The following ZNF362 variants were observed in gnomAD, a reference collection of about 807,000 sequenced individuals.
ZNF362 encodes the protein zinc finger protein 362, also known as rotund homolog.
A neutral mutation model predicts 42.9 loss-of-function variants in ZNF362; 11 were observed. That is an observed-to-expected ratio of 0.26 (90% confidence interval 0.16 to 0.42). The LOEUF (loss-of-function observed/expected upper bound fraction) is 0.42. Ranked by LOEUF, ZNF362 falls within the 20% of genes least tolerant of loss-of-function variation. The pLI is 1.00. For missense variants in ZNF362, 362 were observed against 576.2 expected, an observed-to-expected ratio of 0.63 and a Z score of 3.81; for synonymous variants, 255 against 257.3, an observed-to-expected ratio of 0.99 and a Z score of 0.09.
the ZNF362 span, among the ~76,000 whole-genome samples, chr1:33,161,814 A>G: frequency 6.6e-6 from 1 of 151,884 alleles, no homozygotes; most frequent in South Asian, 2.1e-4. This position sits in a 1 kb window ranked among gnomAD's most constrained non-coding sequence, Gnocchi z 4.3. Flanking sequence ...CCCACTCGCC[A>G]CCCTCTCCTA....
At chr1:33,241,715 C>A in the ZNF362 span, among the ~76,000 whole-genome samples, 1 of 152,046 alleles carries the variant, frequency 6.6e-6, no homozygotes, top group African/African-American at 2.4e-5. Flanking sequence ...AGAGAAACAA[C>A]AGAAGATGCC....
At chr1:33,177,053 A>ATG in the ZNF362 span, among the ~76,000 whole-genome samples, 9,331 of 86,796 alleles carry the variant, frequency 0.11, 548 homozygotes, top group African/African-American at 0.22. The surrounding 1 kb of genome is among the most constrained non-coding windows in gnomAD (Gnocchi z 4.1). Context: ...ACACACACGC[A>ATG]CACACACACA....
At chr1:33,172,802 A>G in the ZNF362 span, among the ~76,000 whole-genome samples, 2 of 152,130 alleles carry the variant, frequency 1.3e-5, no homozygotes, top group Admixed American at 6.5e-5. Flanking sequence ...CCAGGGGACA[A>G]AGCAGCTGTG....
intron 6 of ZNF362, among the ~76,000 whole-genome samples, chr1:33,289,209 C>T (rs972059655): frequency 2.6e-4 from 39 of 152,132 alleles, no homozygotes; most frequent in African/African-American, 5.1e-4. Flanking sequence ...GCTCGAGGCC[C>T]GCCGGGAGGC....
At chr1:33,250,929 G>A in the ZNF362 span, among the ~76,000 whole-genome samples, 51 of 148,550 alleles carry the variant, frequency 3.4e-4, no homozygotes, top group Non-Finnish European at 5.9e-4. Flanking sequence ...ATGCTTGAGA[G>A]CGTTTTTAGT....
chr1:33,233,498 G>C, the ZNF362 span, among the ~76,000 whole-genome samples: 2 of 151,798 alleles, frequency 1.3e-5, no homozygotes, highest in African/African-American at 4.8e-5. Flanking sequence ...CCGCCTCCCA[G>C]GCTCAAGCAA....
the ZNF362 span, among the ~76,000 whole-genome samples, chr1:33,230,275 A>G: frequency 1.3e-5 from 2 of 152,178 alleles, no homozygotes; most frequent in Admixed American, 6.5e-5. Flanking sequence ...AAAGTTCTCA[A>G]TGAGTATTAG....
intron 1 of ZNF362, chr1:33,261,392 T>A (rs900545946): frequency 2.6e-5 from 4 of 152,242 alleles, no homozygotes; most frequent in Non-Finnish European, 5.9e-5. Flanking sequence ...GTTAGTGTCA[T>A]GGTTTCCCAG....
intron 1 of ZNF362, among the ~76,000 whole-genome samples, chr1:33,270,259 T>G (rs1645892176): frequency 6.6e-6 from 1 of 152,144 alleles, no homozygotes; most frequent in Non-Finnish European, 1.5e-5. Flanking sequence ...CAGTTGGCCC[T>G]GTAGTGCTGG....
At chr1:33,157,888 C>T in the ZNF362 span, among the ~76,000 whole-genome samples, 1 of 152,104 alleles carries the variant, frequency 6.6e-6, no homozygotes, top group African/African-American at 2.4e-5. Context: ...TCTCGAGTAG[C>T]TGGGATTACA....
chr1:33,202,353 T>C, the ZNF362 span, among the ~76,000 whole-genome samples: 11 of 152,168 alleles, frequency 7.2e-5, no homozygotes, highest in African/African-American at 2.6e-4. Context: ...TCCCAGCACT[T>C]TGGGAGGCGA....
chr1:33,217,262 C>A, the ZNF362 span, among the ~76,000 whole-genome samples: 1 of 152,298 alleles, frequency 6.6e-6, no homozygotes, highest in South Asian at 2.1e-4. Flanking sequence ...GAAGTGAGAG[C>A]AGTGAGGAAG....
At chr1:33,239,501 A>G in the ZNF362 span, among the ~76,000 whole-genome samples, 1 of 152,222 alleles carries the variant, frequency 6.6e-6, no homozygotes, top group Non-Finnish European at 1.5e-5. Flanking sequence ...AATTTATAAA[A>G]GACAGAAGTT....
chr1:33,130,163 C>G, the ZNF362 span, among the ~76,000 whole-genome samples: 3 of 152,184 alleles, frequency 2.0e-5, no homozygotes, highest in Non-Finnish European at 2.9e-5. Context: ...CTGGCCGTAG[C>G]TTTGCACTTT....
chr1:33,208,203 T>C, the ZNF362 span, among the ~76,000 whole-genome samples: 1 of 152,196 alleles, frequency 6.6e-6, no homozygotes, highest in Non-Finnish European at 1.5e-5. Context: ...CCTTTCCCCA[T>C]TGTTTGTTTT....
At chr1:33,252,532 A>G (rs552046025), upstream of ZNF362, among the ~76,000 whole-genome samples, 35 of 152,312 alleles carry the variant, frequency 2.3e-4, no homozygotes, top group Admixed American at 5.9e-4. Context: ...GGCATGTGGC[A>G]CAAGTGGGCA....
chr1:33,193,158 T>C, the ZNF362 span, among the ~76,000 whole-genome samples: 1 of 152,040 alleles, frequency 6.6e-6, no homozygotes, highest in Non-Finnish European at 1.5e-5. Context: ...TTAAAAAATA[T>C]ATAGCTGAGC....
chr1:33,154,845 G>A, the ZNF362 span, among the ~76,000 whole-genome samples: 1 of 150,852 alleles, frequency 6.6e-6, no homozygotes. Context: ...TGTAATCCCA[G>A]CACTTTGGGA....
the ZNF362 span, chr1:33,181,021 G>T: frequency 1.3e-6 from 2 of 1,576,484 alleles, no homozygotes; most frequent in East Asian, 2.3e-5. This position sits in a 1 kb window ranked among gnomAD's most constrained non-coding sequence, Gnocchi z 6.5. Flanking sequence ...GCCGGGTAGC[G>T]CACCTGCAGC....
Sources: allele counts gnomAD v4.1 joint callset (sites outside exome capture counted in the v4.1 genomes callset), GRCh38; gene constraint gnomAD v4.1.1; non-coding constraint Gnocchi (gnomAD v3.1); transcripts MANE v1.5; gene names NCBI Gene and HGNC (gene_info 2026-07-23, HGNC 2026-07-21).